Variants in TBC1D14 observed in about 807,000 individuals in gnomAD.
TBC1D14 encodes the protein TBC1 domain family member 14.
A neutral mutation model predicts 79.0 loss-of-function variants in TBC1D14; 26 were observed. The ratio of observed to expected loss-of-function variants is 0.33; its 90% CI spans 0.24 to 0.46. The LOEUF is 0.46. TBC1D14 is among the 20% of genes least tolerant of loss of function. TBC1D14 has a pLI of 1.00. For synonymous variants in TBC1D14, 394 were observed against 349.9 expected (o/e 1.13, Z -1.40); for missense variants, 769 against 887.6 (o/e 0.87, Z 1.70).
chr4:7,014,826 T>C (rs927754114), intron 12 of TBC1D14, among the ~76,000 whole-genome samples: 2 of 152,242 alleles, frequency 1.3e-5, no homozygotes, highest in Non-Finnish European at 1.5e-5. Flanking sequence ...GCACCCGGCC[T>C]GTGCAGGCCC....
chr4:7,026,268 G>A (rs1439099250), intron 13 of TBC1D14, among the ~76,000 whole-genome samples: 3 of 152,116 alleles, frequency 2.0e-5, no homozygotes, highest in African/African-American at 7.2e-5. Context: ...CGCAGCGGCT[G>A]TTGGAGCTGC....
chr4:6,950,046 A>G (rs985078754), intron 2 of TBC1D14, among the ~76,000 whole-genome samples: 2 of 152,034 alleles, frequency 1.3e-5, no homozygotes, highest in African/African-American at 4.8e-5. Context: ...CATTTGTCCT[A>G]ATGCTCCCTC....
At position 6,954,114 on chromosome 4, in the gene TBC1D14, G is replaced by GCCGCCCCCGCCTTT; in HGVS notation, c.723-13184_723-13171dup. Reference sequence around the variant, plus strand: ...CCCTGTGACTGGGGAGGCCCGCCCTGCCGCCCCCGCCTTTCCGCCGGCCTG... The same window carrying GCCGCCCCCGCCTTT: ...CCCTGTGACTGGGGAGGCCCGCCCTGCCGCCCCCGCCTTTCCGCCCCCGCCTTTCCGCCGGCCTG... On this transcript the variant is annotated intron_variant, in intron 2 of 13. Coordinates refer to ENST00000409757, the MANE Select transcript of TBC1D14 (RefSeq NM_020773.3). The GCCGCCCCCGCCTTT allele has an allele frequency of 5.1e-6, 3 of 592,310 alleles. No homozygotes were observed. In the South Asian group the frequency reaches 6.0e-5, roughly 12 times the overall value. The allele number at this position is 592,310 out of a possible 1,614,324, so 36.7% of individuals were successfully genotyped here.
chr4:6,949,682 CA>C (rs10657086), intron 2 of TBC1D14, among the ~76,000 whole-genome samples: 4 of 138,428 alleles, frequency 2.9e-5, no homozygotes, highest in Non-Finnish European at 1.5e-5. Flanking sequence ...GACTCCGTCT[CA>C]AAAAAAAAAA....
At chr4:6,926,062 C>T (rs1020346520) in intron 2 of TBC1D14, among the ~76,000 whole-genome samples, 1 of 152,320 alleles carries the variant, frequency 6.6e-6, no homozygotes, top group Non-Finnish European at 1.5e-5. Flanking sequence ...TCCTTCACCT[C>T]CCAGTCAGTT....
intron 9 of TBC1D14, chr4:7,007,480 A>G (rs1720319929): frequency 1.1e-5 from 13 of 1,212,810 alleles, no homozygotes; most frequent in Non-Finnish European, 1.4e-5. Context: ...CTTGCAGAAT[A>G]CCTTTGCACC....
At chr4:7,017,129 C>T (rs1015055024) in intron 12 of TBC1D14, among the ~76,000 whole-genome samples, 3 of 152,098 alleles carry the variant, frequency 2.0e-5, no homozygotes, top group Non-Finnish European at 4.4e-5. Flanking sequence ...GGCGAAACCC[C>T]GTCTCTACTA....
At chr4:6,918,713 G>A (rs1723598236) in intron 1 of TBC1D14, among the ~76,000 whole-genome samples, 1 of 152,160 alleles carries the variant, frequency 6.6e-6, no homozygotes, top group Admixed American at 6.5e-5. Flanking sequence ...TCTTACATGT[G>A]TGGCTTTTTG....
intron 3 of TBC1D14, among the ~76,000 whole-genome samples, chr4:6,989,856 G>A (rs563104101): frequency 8.5e-4 from 130 of 152,264 alleles, no homozygotes; most frequent in African/African-American, 3.0e-3. Context: ...CAAGTTGGCT[G>A]CTAGTGAGGT....
intron 12 of TBC1D14, 64 bp from the exon 13 acceptor site, chr4:7,024,940 T>C: frequency 6.3e-7 from 1 of 1,589,246 alleles, no homozygotes; most frequent in Admixed American, 1.7e-5. Context: ...CAGACTGGAA[T>C]TCACTGTTCT....
At chr4:7,015,373 G>A (rs1459940919) in intron 12 of TBC1D14, among the ~76,000 whole-genome samples, 1 of 152,162 alleles carries the variant, frequency 6.6e-6, no homozygotes, top group African/African-American at 2.4e-5. Flanking sequence ...TGCGGTTGGG[G>A]AAGGGGTTTG....
chr4:6,976,759 T>C (rs2109077852), intron 3 of TBC1D14, among the ~76,000 whole-genome samples: 1 of 152,288 alleles, frequency 6.6e-6, no homozygotes, highest in East Asian at 1.9e-4. Context: ...CAGTAGACTA[T>C]TTTCCTTTTG....
chr4:6,975,593 T>A (rs1321670719), intron 3 of TBC1D14, among the ~76,000 whole-genome samples: 1 of 152,180 alleles, frequency 6.6e-6, no homozygotes, highest in Non-Finnish European at 1.5e-5. Context: ...AAGCAGTCAT[T>A]ATAAAAATGC....
At chr4:6,942,725 C>T (rs920055785) in intron 2 of TBC1D14, among the ~76,000 whole-genome samples, 2 of 152,108 alleles carry the variant, frequency 1.3e-5, no homozygotes, top group Non-Finnish European at 2.9e-5. Flanking sequence ...CTTCCCCGCC[C>T]CCACATCCTG....
chr4:7,021,198 A>G (rs1347091381), intron 12 of TBC1D14, among the ~76,000 whole-genome samples: 3 of 152,192 alleles, frequency 2.0e-5, no homozygotes, highest in African/African-American at 4.8e-5. Context: ...ATCAGCAAAA[A>G]CTGCCCCTTT....
chr4:6,999,240 AT>A, intron 6 of TBC1D14, 38 bp downstream of exon 6: 1 of 1,550,474 alleles, frequency 6.4e-7, no homozygotes, highest in Non-Finnish European at 8.9e-7. Flanking sequence ...ACTGCAGAGC[AT>A]GTCTTTCTAG....
At chr4:6,975,405 T>C (rs1405272131) in intron 3 of TBC1D14, among the ~76,000 whole-genome samples, 2 of 152,054 alleles carry the variant, frequency 1.3e-5, no homozygotes, top group African/African-American at 4.8e-5. Context: ...AGACAAGGTT[T>C]TGCCATGTTG....
rs562127815 is a variant in TBC1D14 at position 7,024,338 on chromosome 4, T to G, written c.1758-666T>G. On this transcript the variant is annotated intron_variant, in intron 12 of 13. Transcript: ENST00000409757. ...GAAATACTGAACTCCGTAAGAGAGG[T>G]CCTCCAGGAGGGGTGGAGATGTCCC... Among the ~76,000 whole-genome samples the G allele has an allele frequency of 7.2e-5, 11 of 152,114 alleles. No homozygotes were observed. The South Asian group carries it at 2.3e-3, about 32-fold the overall frequency.
intron 9 of TBC1D14, among the ~76,000 whole-genome samples, chr4:7,008,601 C>A (rs374566188): frequency 1.9e-4 from 29 of 152,234 alleles, no homozygotes; most frequent in African/African-American, 5.8e-4. Context: ...TAGGGAGAGA[C>A]GGGTTTTCAC....
Sources: gnomAD v4.1 joint callset for allele counts (sites outside exome capture counted in the v4.1 genomes callset) on GRCh38, gnomAD v4.1.1 for gene constraint, MANE v1.5 for transcripts, NCBI Gene and HGNC (gene_info 2026-07-23, HGNC 2026-07-21) for gene names.